SLC38A6: variants seen among roughly 807,000 people sequenced by gnomAD.
SLC38A6 encodes the protein N system amino acid transporter NAT-1.
In SLC38A6, 73 loss-of-function variants were observed where a neutral mutation model predicts 65.0. The observed-to-expected ratio is 1.12, with a 90% confidence interval of 0.93 to 1.37. The LOEUF is 1.37. Ranked by LOEUF, SLC38A6 falls within the 40% of genes most tolerant of loss-of-function variation. SLC38A6 has a pLI of 0.00. For missense variants in SLC38A6, 561 were observed against 531.1 expected (o/e 1.06, Z -0.55); for synonymous variants, 183 against 178.8 (o/e 1.02, Z -0.19).
At chr14:60,986,899 G>A (rs951971039) in intron 3 of SLC38A6, among the ~76,000 whole-genome samples, 1 of 152,158 alleles carries the variant, frequency 6.6e-6, no homozygotes, top group Admixed American at 6.6e-5. Context: ...AGTGTGTGGA[G>A]ATTTCTAAGT....
chr14:60,998,203 C>G (rs546128319), intron 3 of SLC38A6, among the ~76,000 whole-genome samples: 19 of 151,748 alleles, frequency 1.3e-4, no homozygotes, highest in Non-Finnish European at 2.1e-4. Context: ...GCCCCCACCC[C>G]CCAAGCCTGG....
At chr14:61,076,542 C>T (rs547601810) in intron 15 of SLC38A6, among the ~76,000 whole-genome samples, 1 of 152,176 alleles carries the variant, frequency 6.6e-6, no homozygotes, top group African/African-American at 2.4e-5. Flanking sequence ...AGAATAGAAA[C>T]TGAAGTTTGA....
At chr14:61,012,988 A>G (rs559292778) in intron 3 of SLC38A6, among the ~76,000 whole-genome samples, 1 of 152,280 alleles carries the variant, frequency 6.6e-6, no homozygotes, top group South Asian at 2.1e-4. Context: ...GTGGGGTGTT[A>G]AAGTCTCCCA....
chr14:61,043,798 A>G (rs2041962956), intron 10 of SLC38A6, among the ~76,000 whole-genome samples: 1 of 151,328 alleles, frequency 6.6e-6, no homozygotes, highest in Non-Finnish European at 1.5e-5. Context: ...GGTCTGGCCA[A>G]TAAGGTCCTC....
rs80210782 is a variant in SLC38A6, at chr14:61,037,062, T to C, written c.486T>C (p.Tyr162=). 2.6e-5 allele frequency: 42 copies of C among 1,610,442 alleles called. No homozygotes were observed. In the African/African-American group the frequency reaches 2.9e-4, roughly 11 times the overall value. The change falls in exon 7 of 16, where the codon TAT becomes TAC. Residue 162 remains tyrosine, a synonymous_variant. Coordinates refer to ENST00000267488, the MANE Select transcript of SLC38A6 (RefSeq NM_153811.3). ...AEFLTGDYSR[Y]WYLDGQTLLI... is the part of the protein sequence containing the mutation. ...AGTAGAACTTTTTTTATAATAGATATTGGTATCTTGATGGACAAACACTAC... is the reference window on the plus strand; with the variant it reads ...AGTAGAACTTTTTTTATAATAGATACTGGTATCTTGATGGACAAACACTAC...
intron 15 of SLC38A6, among the ~76,000 whole-genome samples, chr14:61,077,708 G>A (rs538905584): frequency 5.9e-5 from 9 of 152,000 alleles, no homozygotes; most frequent in Non-Finnish European, 1.3e-4. Flanking sequence ...TAGCTCATGA[G>A]ACTACATAAA....
intron 6 of SLC38A6, among the ~76,000 whole-genome samples, chr14:61,031,891 G>A (rs1019308836): frequency 2.6e-5 from 4 of 151,972 alleles, no homozygotes; most frequent in South Asian, 2.1e-4. Flanking sequence ...ATAATCTCAG[G>A]AACTTAATTT....
rs752868132 is a variant in SLC38A6 at position 60,982,528 on chromosome 14, C to T, written c.126C>T (p.Ser42=). 30 of 1,612,156 alleles carry T rather than the reference C, an allele frequency of 1.9e-5. No homozygotes were observed. The highest frequency in any genetic ancestry group is 1.7e-4 in the Middle Eastern group (1 of 6,008). Residue 42 remains serine (S), a synonymous_variant, in exon 2 of 16, where the codon TCC becomes TCT. Coordinates refer to ENST00000267488, the MANE Select transcript of SLC38A6 (RefSeq NM_153811.3). ...LLSNELHRQR[S]PGVSFGLSVF... ...TACAGGAACTTCACAGACAGCGATCCCCAGGTGTTTCATTTGGTTTATCAG... is the reference window on the plus strand; with the variant it reads ...TACAGGAACTTCACAGACAGCGATCTCCAGGTGTTTCATTTGGTTTATCAG...
At chr14:61,023,618 CAT>C (rs1343419287) in intron 5 of SLC38A6, among the ~76,000 whole-genome samples, 26 of 149,168 alleles carry the variant, frequency 1.7e-4, no homozygotes, top group African/African-American at 5.4e-4. Flanking sequence ...CACACACACA[CAT>C]ATATGTAAAA....
At chr14:61,053,926 C>T (rs1199206516), downstream of SLC38A6, among the ~76,000 whole-genome samples, 1 of 151,860 alleles carries the variant, frequency 6.6e-6, no homozygotes, top group Non-Finnish European at 1.5e-5. Flanking sequence ...TTGCTTGGTG[C>T]CTTTGTCATG....
chr14:61,062,783 C>T (rs12882898), intron 15 of SLC38A6, among the ~76,000 whole-genome samples: 7,277 of 152,204 alleles, frequency 0.048, 239 homozygotes, highest in Non-Finnish European at 0.068. Flanking sequence ...TGGGTTCAAG[C>T]AATTCTAGTG....
intron 6 of SLC38A6, among the ~76,000 whole-genome samples, chr14:61,035,241 A>G (rs7152054): frequency 1.9e-3 from 288 of 149,608 alleles, no homozygotes; most frequent in African/African-American, 7.1e-3. Flanking sequence ...GAAAATTGAG[A>G]AAAAAAAGCA....
chr14:61,083,208 GAA>G (rs992793643), intron 16 of SLC38A6, among the ~76,000 whole-genome samples: 1 of 152,168 alleles, frequency 6.6e-6, no homozygotes, highest in African/African-American at 2.4e-5. Flanking sequence ...ACAGAGGGAG[GAA>G]AGTGAGGTCA....
chr14:60,983,979 A>G (rs2037270716), intron 2 of SLC38A6, among the ~76,000 whole-genome samples: 2 of 152,218 alleles, frequency 1.3e-5, no homozygotes, highest in Admixed American at 6.5e-5. Flanking sequence ...TTTATTAACA[A>G]GTATTAACTG....
intron 3 of SLC38A6, among the ~76,000 whole-genome samples, chr14:60,994,770 G>A (rs373293669): frequency 1.0e-4 from 15 of 149,184 alleles, no homozygotes; most frequent in Admixed American, 5.4e-4. Context: ...TTGGGAGGCC[G>A]AGGTGGGCGG....
chr14:60,983,136 A>G (rs1172805831), intron 2 of SLC38A6, among the ~76,000 whole-genome samples: 1 of 152,214 alleles, frequency 6.6e-6, no homozygotes, highest in African/African-American at 2.4e-5. Context: ...ATAGAAGACA[A>G]TCCTGGATAT....
At chr14:61,019,062 TA>T (rs1440678248) in intron 4 of SLC38A6, among the ~76,000 whole-genome samples, 3 of 152,208 alleles carry the variant, frequency 2.0e-5, no homozygotes, top group African/African-American at 7.2e-5. Context: ...CTCTAGACTT[TA>T]TTAATCTCTG....
intron 3 of SLC38A6, among the ~76,000 whole-genome samples, chr14:60,985,094 G>A (rs2037358738): frequency 6.6e-6 from 1 of 152,126 alleles, no homozygotes; most frequent in African/African-American, 2.4e-5. Context: ...GGTGTTCAAA[G>A]GATCCAAACC....
intron 3 of SLC38A6, among the ~76,000 whole-genome samples, chr14:61,002,985 A>C (rs1013896456): frequency 1.3e-5 from 2 of 152,100 alleles, no homozygotes; most frequent in Non-Finnish European, 2.9e-5. Flanking sequence ...TGTATCTCTC[A>C]AAACATCTTT....
Sources: gnomAD v4.1 joint callset for allele counts (sites outside exome capture counted in the v4.1 genomes callset) on GRCh38, gnomAD v4.1.1 for gene constraint, MANE v1.5 for transcripts, NCBI Gene and HGNC (gene_info 2026-07-23, HGNC 2026-07-21) for gene names.